The following MAP3K5 variants were observed in gnomAD, a reference collection of about 807,000 sequenced individuals.
The protein encoded by MAP3K5 is mitogen-activated protein kinase kinase kinase 5.
A neutral mutation model predicts 158.7 loss-of-function variants in MAP3K5; 56 were observed. That is an observed-to-expected ratio of 0.35 (90% confidence interval 0.28 to 0.44). MAP3K5 has a LOEUF of 0.44. Among genes scored for constraint, MAP3K5 ranks in the 20% least tolerant of loss-of-function variants. The probability of loss-of-function intolerance (pLI) is 1.00; values close to 1 mark genes in which losing one functional copy is unlikely to be tolerated. For missense variants in MAP3K5, 1,294 were observed against 1,674.8 expected (o/e 0.77, Z 3.97); for synonymous variants, 579 against 601.7 (o/e 0.96, Z 0.55).
intron 7 of MAP3K5, among the ~76,000 whole-genome samples, chr6:136,681,161 A>C (rs2114593069): frequency 6.6e-6 from 1 of 152,336 alleles, no homozygotes; most frequent in Middle Eastern, 3.4e-3. Flanking sequence ...TGGTTCACTA[A>C]GTGAAATCAC....
At chr6:136,656,713 C>A (rs1241822829) in intron 9 of MAP3K5, among the ~76,000 whole-genome samples, 3 of 151,978 alleles carry the variant, frequency 2.0e-5, no homozygotes, top group Non-Finnish European at 4.4e-5. Flanking sequence ...CAAGCTCCGC[C>A]TGCCGGGTTC....
At chr6:136,727,672 A>C (rs923909485) in intron 1 of MAP3K5, among the ~76,000 whole-genome samples, 1 of 152,252 alleles carries the variant, frequency 6.6e-6, no homozygotes, top group African/African-American at 2.4e-5. Context: ...AAATTTAAGA[A>C]AGTTAGGGCC....
At chr6:136,558,561 C>T (rs1303361292) in intron 29 of MAP3K5, among the ~76,000 whole-genome samples, 1 of 152,038 alleles carries the variant, frequency 6.6e-6, no homozygotes, top group Non-Finnish European at 1.5e-5. Flanking sequence ...ACTTAGTCTG[C>T]ATCTTATTCA....
intron 8 of MAP3K5, among the ~76,000 whole-genome samples, chr6:136,668,553 C>T (rs1219679536): frequency 2.0e-5 from 3 of 151,964 alleles, no homozygotes; most frequent in African/African-American, 7.3e-5. Flanking sequence ...CGTTAGACAC[C>T]CAACGGAGCA....
intron 1 of MAP3K5, among the ~76,000 whole-genome samples, chr6:136,774,273 AAAC>A (rs1784323399): frequency 6.6e-6 from 1 of 152,124 alleles, no homozygotes; most frequent in African/African-American, 2.4e-5. Flanking sequence ...CAACATGGCA[AAAC>A]CCCATCTCTA....
intron 11 of MAP3K5, chr6:136,647,983 G>C (rs180944542): frequency 6.6e-6 from 1 of 152,198 alleles, no homozygotes; most frequent in East Asian, 1.9e-4. Context: ...TGCTTTCCTC[G>C]GGTGTAGCAT....
chr6:136,634,828 A>G (rs920348391), intron 14 of MAP3K5, among the ~76,000 whole-genome samples: 2 of 151,322 alleles, frequency 1.3e-5, no homozygotes, highest in African/African-American at 4.9e-5. Flanking sequence ...CAGCATCCCA[A>G]TGTGCTGGGA....
intron 7 of MAP3K5, among the ~76,000 whole-genome samples, chr6:136,687,916 T>C (rs974696527): frequency 2.0e-5 from 3 of 152,146 alleles, no homozygotes; most frequent in South Asian, 2.1e-4. Context: ...AATCCCATTA[T>C]TGGTATATAC....
chr6:136,771,081 G>C (rs745967254), intron 1 of MAP3K5, among the ~76,000 whole-genome samples: 1 of 152,098 alleles, frequency 6.6e-6, no homozygotes, highest in African/African-American at 2.4e-5. Context: ...AGGCTCCTGT[G>C]GGCCAGCCAG....
intron 7 of MAP3K5, 55 bp from the exon 8 acceptor site, chr6:136,669,450 G>A: frequency 2.0e-6 from 2 of 986,360 alleles, no homozygotes; most frequent in South Asian, 1.3e-5. Context: ...AACCCTGGGT[G>A]TGTAATAGCT....
chr6:136,725,567 T>G (rs773173315), intron 1 of MAP3K5, among the ~76,000 whole-genome samples: 41 of 152,242 alleles, frequency 2.7e-4, no homozygotes, highest in Non-Finnish European at 5.1e-4. Flanking sequence ...TTCTTATTGT[T>G]GAGGTTTGAA....
At chr6:136,604,381 C>T (rs1475340904) in intron 19 of MAP3K5, among the ~76,000 whole-genome samples, 3 of 151,862 alleles carry the variant, frequency 2.0e-5, no homozygotes, top group African/African-American at 4.8e-5. Context: ...AGAAAAAGTC[C>T]TTTGCCTTGG....
At position 136,557,420 on chromosome 6, in the gene MAP3K5, G is replaced by A. The variant is rs1006814231; in HGVS notation, c.*338C>T. On this transcript the variant is annotated 3_prime_UTR_variant, in exon 30 of 30. Coordinates refer to ENST00000359015, the MANE Select transcript of MAP3K5 (RefSeq NM_005923.4). ...CACGATCACATGAAATGTTACATCC[G>A]TTTTGTGTGAAATAAACATTTGGCT... The A allele has an allele frequency of 4.1e-5, 9 of 218,192 alleles. No individual in the cohort carries two copies. The highest frequency in any genetic ancestry group is 3.7e-4 in the East Asian group (3 of 8,034). 13.5% of individuals were successfully genotyped at this position (218,192 alleles called of 1,614,324 possible). A position where few individuals can be genotyped will look rare whatever the true frequency, so the allele number is the denominator to read the frequency against.
In MAP3K5 at chr6:136,601,831, T is replaced by C. The variant is rs772322089; in HGVS notation, c.2828A>G (p.Lys943Arg). The C allele has an allele frequency of 6.2e-7, 1 of 1,614,180 alleles. No homozygotes were observed. The highest frequency in any genetic ancestry group is 8.5e-7 in the Non-Finnish European group (1 of 1,180,026). ...AAGCTTAGGTTGTGTCTTTTTCTTT[T>C]TGCTTGAAACTTTTAAAAACTCATC... ...LVDEFLKVSS[K>R]KKKTQPKLSA... The change falls in exon 20 of 30, where the codon AAA becomes AGA. Residue 943 changes from lysine (K) to arginine (R), a missense_variant. By Grantham distance (26) the Lys-to-Arg change is conservative (BLOSUM62 2). Transcript: ENST00000359015.
At chr6:136,660,022 TTATA>T (rs1318353209) in intron 8 of MAP3K5, among the ~76,000 whole-genome samples, 3 of 152,220 alleles carry the variant, frequency 2.0e-5, no homozygotes, top group Admixed American at 6.5e-5. Flanking sequence ...TCTACAATTT[TTATA>T]TATGTCAGTA....
chr6:136,682,599 G>A (rs1318770873), intron 7 of MAP3K5, among the ~76,000 whole-genome samples: 1 of 152,102 alleles, frequency 6.6e-6, no homozygotes, highest in Non-Finnish European at 1.5e-5. Flanking sequence ...AAGTTACTAT[G>A]GAAAAATGAA....
At chr6:136,720,318 G>C in intron 2 of MAP3K5, 132 bp downstream of exon 2, 1 of 731,744 alleles carries the variant, frequency 1.4e-6, no homozygotes, top group Non-Finnish European at 2.0e-6. Context: ...AATTTGACAA[G>C]TAATTGATGC....
chr6:136,633,794 G>A (rs892208634), intron 14 of MAP3K5, among the ~76,000 whole-genome samples: 4 of 152,326 alleles, frequency 2.6e-5, no homozygotes, highest in Non-Finnish European at 4.4e-5. Context: ...TTTGCTGACT[G>A]CTGACAACAC....
intron 27 of MAP3K5, 148 bp from the exon 28 acceptor site, chr6:136,561,793 G>C: frequency 1.8e-6 from 1 of 552,394 alleles, no homozygotes; most frequent in South Asian, 2.4e-5. Flanking sequence ...TGGCAGTATA[G>C]ATGATAATAT....
Sources: gnomAD v4.1 joint callset for allele counts (sites outside exome capture counted in the v4.1 genomes callset) on GRCh38, gnomAD v4.1.1 for gene constraint, MANE v1.5 for transcripts, NCBI Gene and HGNC (gene_info 2026-07-23, HGNC 2026-07-21) for gene names.